RNF144B: variants seen among roughly 807,000 people sequenced by gnomAD.
RNF144B encodes the protein E3 ubiquitin-protein ligase RNF144B.
A neutral mutation model predicts 40.2 loss-of-function variants in RNF144B; 25 were observed. The observed-to-expected ratio is 0.62, with a 90% CI of 0.45 to 0.87. The LOEUF (loss-of-function observed/expected upper bound fraction) is 0.87, where lower values mean the gene tolerates loss of function less well. RNF144B is among the 40% of genes least tolerant of loss of function. RNF144B has a pLI of 0.00. For missense variants in RNF144B, 365 were observed against 373.7 expected (o/e 0.98, Z 0.19); for synonymous variants, 145 against 136.3 (o/e 1.06, Z -0.44).
rs993692312 is a variant in RNF144B at position 18,405,711 on chromosome 6, G to A, written c.165+6012G>A. Among the ~76,000 whole-genome samples, 1 of 152,186 alleles carries A rather than the reference G, an allele frequency of 6.6e-6. No individual in the cohort carries two copies. Among genetic ancestry groups the A allele is most frequent in the Non-Finnish European group, 1.5e-5 (1 of 68,034 alleles). ...AACGGAGCCACTGCAGGGTCAGATGGCATCTGTGGAAAAAGAGCAAACAGT... is the reference window on the plus strand; with the variant it reads ...AACGGAGCCACTGCAGGGTCAGATGACATCTGTGGAAAAAGAGCAAACAGT... On this transcript the variant is annotated intron_variant, in intron 2 of 7. Transcript: ENST00000259939. This position sits in a 1 kb window ranked among gnomAD's most constrained non-coding sequence, Gnocchi z 4.5.
Position 18,457,130 on chromosome 6 carries a change from C to T in RNF144B, c.332-25C>T. 1 of 1,545,942 alleles carries T rather than the reference C, an allele frequency of 6.5e-7. No individual in the cohort carries two copies. The highest frequency in any genetic ancestry group is 8.9e-7 in the Non-Finnish European group (1 of 1,119,140). On this transcript the variant is annotated intron_variant, in intron 4 of 7. Transcript: ENST00000259939. The surrounding 1 kb of genome is among the most constrained non-coding windows in gnomAD (Gnocchi z 5.1). ...CTCAAACATGAATCGGGCAGACCAT[C>T]ACATTTTCTTTCTTTACACTTTAGA...
chr6:18,435,641 G>A (rs1462582712), intron 3 of RNF144B, among the ~76,000 whole-genome samples: 1 of 152,154 alleles, frequency 6.6e-6, no homozygotes, highest in East Asian at 1.9e-4. Flanking sequence ...TGATAGAGAA[G>A]CTGGCAGATA....
rs4716253 is a variant in RNF144B at position 18,434,445 on chromosome 6, G to A, written c.271-5239G>A. On this transcript the variant is annotated intron_variant, in intron 3 of 7. Coordinates refer to ENST00000259939, the MANE Select transcript of RNF144B (RefSeq NM_182757.4). This position sits in a 1 kb window ranked among gnomAD's most constrained non-coding sequence, Gnocchi z 4.1. Reference sequence around the variant, plus strand: ...TCGTGGTTAATACTGATTAACAGGTGTGCCTCACTTTTCATTTCTTCTTGG... The same window carrying A: ...TCGTGGTTAATACTGATTAACAGGTATGCCTCACTTTTCATTTCTTCTTGG... Among the ~76,000 whole-genome samples the A allele has an allele frequency of 0.13, 19,385 of 152,038 alleles. 1,388 individuals carry two copies. Among genetic ancestry groups the A allele is most frequent in the Admixed American group, 0.19 (2,962 of 15,276 alleles).
chr6:18,435,638 G>A (rs1393497462), intron 3 of RNF144B, among the ~76,000 whole-genome samples: 1 of 152,134 alleles, frequency 6.6e-6, no homozygotes, highest in Non-Finnish European at 1.5e-5. Flanking sequence ...AAATGATAGA[G>A]AAGCTGGCAG....
intron 1 of RNF144B, among the ~76,000 whole-genome samples, chr6:18,390,972 G>A (rs1253215155): frequency 6.6e-6 from 1 of 152,154 alleles, no homozygotes; most frequent in African/African-American, 2.4e-5. Flanking sequence ...TGCTCAGGTG[G>A]GGTGAAGATT....
intron 6 of RNF144B, among the ~76,000 whole-genome samples, chr6:18,462,054 C>T (rs1759467003): frequency 6.6e-6 from 1 of 152,194 alleles, no homozygotes; most frequent in Admixed American, 6.5e-5. Context: ...CCACTCTCCA[C>T]TCTCTCAACA....
chr6:18,387,563 G>A lies in RNF144B; in HGVS notation c.-104G>A, dbSNP rs1232785393. The A allele has an allele frequency of 3.8e-6, 5 of 1,327,834 alleles. No homozygotes were observed. The highest frequency in any genetic ancestry group is 5.0e-6 in the Non-Finnish European group (5 of 1,009,646). 82.3% of individuals were successfully genotyped at this position (1,327,834 alleles called of 1,614,324 possible). A position where few individuals can be genotyped will look rare whatever the true frequency, so the allele number is the denominator to read the frequency against. ...TCCTGTCCGGTGTGCCAGCAGCCCG[G>A]ACTGGCGGTGAGCGCGAGGGAGGCT... is the stretch of plus-strand genomic sequence containing the variant. On this transcript the variant is annotated 5_prime_UTR_variant, in exon 1 of 8. Transcript: ENST00000259939.
At position 18,415,755 on chromosome 6, in the gene RNF144B, G is replaced by A. The variant is rs189742679; in HGVS notation, c.166-11826G>A. Reference sequence around the variant, plus strand: ...TACTCAATGTGTTTGCTTAGATTGGGTTGAATGGTTATATTTTATTCAGGT... The same window carrying A: ...TACTCAATGTGTTTGCTTAGATTGGATTGAATGGTTATATTTTATTCAGGT... On this transcript the variant is annotated intron_variant, in intron 2 of 7. Transcript: ENST00000259939. 1.8e-3 allele frequency among the ~76,000 whole-genome samples: 279 copies of A among 152,104 alleles called. 3 individuals carry two copies. Among genetic ancestry groups the A allele is most frequent in the Non-Finnish European group, 2.4e-3 (163 of 67,998 alleles).
chr6:18,433,436 A>G (rs1426761009), intron 3 of RNF144B, among the ~76,000 whole-genome samples: 2 of 152,370 alleles, frequency 1.3e-5, no homozygotes, highest in Non-Finnish European at 1.5e-5. Context: ...TTAAAACTGT[A>G]TAAGTGGGTA....
Position 18,442,014 on chromosome 6 carries a change from T to C in RNF144B, c.331+2270T>C, listed in dbSNP as rs1758976679. On this transcript the variant is annotated intron_variant, in intron 4 of 7. Coordinates refer to ENST00000259939, the MANE Select transcript of RNF144B (RefSeq NM_182757.4). This position sits in a 1 kb window ranked among gnomAD's most constrained non-coding sequence, Gnocchi z 4.3. ...CGTTCTTCAGGAAATATCATCATAC[T>C]GAAGTAGATATTATTGATTGTCTTG... Among the ~76,000 whole-genome samples the C allele has an allele frequency of 6.6e-6, 1 of 152,246 alleles. No homozygotes were observed. Among genetic ancestry groups the C allele is most frequent in the South Asian group, 2.1e-4 (1 of 4,834 alleles).
At chr6:18,453,978 T>C (rs892654554) in intron 4 of RNF144B, among the ~76,000 whole-genome samples, 3 of 152,180 alleles carry the variant, frequency 2.0e-5, no homozygotes, top group African/African-American at 4.8e-5. Flanking sequence ...TAGGCTGTCA[T>C]GGGTTTTGGT....
rs146785182 is a variant in RNF144B, at chr6:18,399,555, C to T, written c.21C>T (p.Leu7=). The part of the protein sequence containing the change: MGSAGR[L]HYLAMTAENP... ...GGCTGATGGGCTCAGCTGGTAGGCT[C>T]CACTATCTCGCCATGACTGCTGAAA... is the stretch of plus-strand genomic sequence containing the variant. The change falls in exon 2 of 8, where the codon CTC becomes CTT. Residue 7 remains leucine (L), a synonymous_variant. Coordinates refer to ENST00000259939, the MANE Select transcript of RNF144B (RefSeq NM_182757.4). The T allele has an allele frequency of 1.2e-6, 2 of 1,614,102 alleles. No homozygotes were observed. Among genetic ancestry groups the T allele is most frequent in the Non-Finnish European group, 8.5e-7 (1 of 1,179,986 alleles).
rs2296198 is a variant in RNF144B, at chr6:18,399,519, T to C, written c.-16T>C. 1,190,021 of 1,612,046 alleles carry C rather than the reference T, an allele frequency of 0.74. 442,770 individuals are homozygous for C. Among genetic ancestry groups the C allele is most frequent in the East Asian group, 0.77 (34,743 of 44,854 alleles). On this transcript the variant is annotated 5_prime_UTR_variant, in exon 2 of 8. An upstream start codon of the reference 5' UTR is lost. Coordinates refer to ENST00000259939, the MANE Select transcript of RNF144B (RefSeq NM_182757.4). ...TATAGGGATTGAGGAGACTGAAGAA[T>C]GCTGAAGACAGGCTGATGGGCTCAG... is the stretch of plus-strand genomic sequence containing the variant.
chr6:18,388,883 T>G (rs1419566360), intron 1 of RNF144B, among the ~76,000 whole-genome samples: 2 of 151,924 alleles, frequency 1.3e-5, no homozygotes, highest in African/African-American at 4.8e-5. Flanking sequence ...AAAAGTAGTC[T>G]CTGACTAATT....
Position 18,459,498 on chromosome 6 carries a change from G to T in RNF144B, c.537-109G>T. On this transcript the variant is annotated intron_variant, in intron 5 of 7. Coordinates refer to ENST00000259939, the MANE Select transcript of RNF144B (RefSeq NM_182757.4). The surrounding 1 kb of genome is among the most constrained non-coding windows in gnomAD (Gnocchi z 4.2). ...TTTGCCCACACCCTTTCTTTTGGAA[G>T]TGAATTAAGCATGGATAACTGTGAG... 1 of 1,075,876 alleles carries T rather than the reference G, an allele frequency of 9.3e-7. No individual in the cohort carries two copies. Among genetic ancestry groups the T allele is most frequent in the South Asian group, 1.7e-5 (1 of 59,894 alleles). The allele number at this position is 1,075,876 out of a possible 1,614,324, so 66.6% of individuals were successfully genotyped here.
chr6:18,403,350 T>C (rs1794830301), intron 2 of RNF144B, among the ~76,000 whole-genome samples: 1 of 152,238 alleles, frequency 6.6e-6, no homozygotes, highest in South Asian at 2.1e-4. Flanking sequence ...GAAAACACAG[T>C]TGTTGCTTGT....
intron 3 of RNF144B, among the ~76,000 whole-genome samples, chr6:18,438,786 C>G (rs909319781): frequency 6.6e-6 from 1 of 152,014 alleles, no homozygotes; most frequent in African/African-American, 2.4e-5. Context: ...GGCTAAAACT[C>G]TGTCCTGTAT....
At chr6:18,435,900 A>G (rs1758809204) in intron 3 of RNF144B, among the ~76,000 whole-genome samples, 1 of 151,810 alleles carries the variant, frequency 6.6e-6, no homozygotes, top group African/African-American at 2.4e-5. Context: ...GAGGGATAGC[A>G]TTAGGAGATA....
Position 18,399,613 on chromosome 6 carries a change from C to G in RNF144B, c.79C>G (p.Leu27Val). 1.9e-6 allele frequency: 3 copies of G among 1,614,190 alleles called. No homozygotes were observed. Among genetic ancestry groups the G allele is most frequent in the Non-Finnish European group, 2.5e-6 (3 of 1,180,036 alleles). Residue 27 changes from leucine (L) to valine (V), a missense_variant, in exon 2 of 8, where the codon CTC (leucine) becomes GTC (valine). Physicochemically the swap from Leu to Val is conservative, Grantham distance 32 (BLOSUM62 1). Transcript: ENST00000259939. ...TCCTGGAGACCTGGCTCCGGCCCCC[C>G]TCATCACTTGCAAACTCTGCCTGTG... The part of the protein sequence containing the change: ...PTPGDLAPAP[L>V]ITCKLCLCEQ...
Sources: allele counts gnomAD v4.1 joint callset (sites outside exome capture counted in the v4.1 genomes callset), GRCh38; gene constraint gnomAD v4.1.1; non-coding constraint Gnocchi (gnomAD v3.1); transcripts MANE v1.5; gene names NCBI Gene and HGNC (gene_info 2026-07-23, HGNC 2026-07-21).